The following SIN3A variants were observed in gnomAD, a reference collection of about 807,000 sequenced individuals.
SIN3A encodes the protein SIN3 transcription regulator family member A.
Under a neutral mutation model 146.1 loss-of-function variants are expected in SIN3A, and 14 were observed. The ratio of observed to expected loss-of-function variants is 0.10; its 90% confidence interval spans 0.06 to 0.15. SIN3A has a LOEUF of 0.15. Among genes scored for constraint, SIN3A ranks in the 10% least tolerant of loss-of-function variants. The pLI is 1.00. For synonymous variants in SIN3A, 572 were observed against 572.0 expected (o/e 1.00, Z 0.00); for missense variants, 1,028 against 1,576.0 (o/e 0.65, Z 5.89).
In SIN3A at chr15:75,371,479, GA is replaced by G. The variant is rs767339561; in HGVS notation, c.*499del. The G allele has an allele frequency of 5.3e-5, 8 of 150,808 alleles. No individual in the cohort carries two copies. Among genetic ancestry groups the G allele is most frequent in the South Asian group, 4.2e-4 (2 of 4,782 alleles). The allele number at this position is 150,808 out of a possible 1,614,324, so 9.3% of individuals were successfully genotyped here. A position where few individuals can be genotyped will look rare whatever the true frequency, so the allele number is the denominator to read the frequency against. On this transcript the variant is annotated 3_prime_UTR_variant, in exon 21 of 21. Coordinates refer to ENST00000394947, the MANE Select transcript of SIN3A (RefSeq NM_001145358.2). ...GATCTTAGATGTGCTCGAGTGACCA[GA>G]AAAAAAAAATCAAATCCAGCTTTTT...
intron 16 of SIN3A, 129 bp downstream of exon 16, chr15:75,389,523 T>G: frequency 1.2e-6 from 1 of 852,230 alleles, no homozygotes; most frequent in Non-Finnish European, 1.8e-6. Context: ...TAACCTCCCC[T>G]CCTCTCTTCA....
chr15:75,451,277 C>G (rs2074402817), intron 1 of SIN3A, 146 bp downstream of exon 1: 1 of 130,172 alleles, frequency 7.7e-6, no homozygotes, highest in Admixed American at 7.3e-5. Context: ...CGCCCCCCAC[C>G]CCCCTCACAC....
At chr15:75,420,493 TC>T (rs2073823561) in intron 3 of SIN3A, 1 of 152,192 alleles carries the variant, frequency 6.6e-6, no homozygotes. Context: ...CCAACGATTC[TC>T]CTGCCTCAGC....
chr15:75,379,997 T>A (rs1460827541), intron 19 of SIN3A, among the ~76,000 whole-genome samples: 1 of 152,230 alleles, frequency 6.6e-6, no homozygotes, highest in Non-Finnish European at 1.5e-5. Context: ...AGTGTCTCAC[T>A]GTACCTAAAC....
intron 1 of SIN3A, among the ~76,000 whole-genome samples, chr15:75,436,813 A>T (rs2074115897): frequency 6.6e-6 from 1 of 152,100 alleles, no homozygotes; most frequent in South Asian, 2.1e-4. Context: ...TCTTGAGTGG[A>T]AAAAATAAGT....
chr15:75,432,606 G>C (rs2074030894), intron 1 of SIN3A, among the ~76,000 whole-genome samples: 1 of 143,054 alleles, frequency 7.0e-6, no homozygotes, highest in Non-Finnish European at 1.5e-5. Context: ...AGAATCGCTA[G>C]AATCCAGGAG....
upstream of SIN3A, among the ~76,000 whole-genome samples, chr15:75,455,299 C>A (rs948935996): frequency 3.9e-5 from 6 of 152,228 alleles, no homozygotes; most frequent in Admixed American, 2.0e-4. Context: ...CCCCGCCGAC[C>A]ATGCTCGAGC....
intron 1 of SIN3A, among the ~76,000 whole-genome samples, chr15:75,443,242 C>T (rs1014996734): frequency 2.0e-5 from 3 of 152,264 alleles, no homozygotes; most frequent in Non-Finnish European, 4.4e-5. Context: ...CAGTTTTCTT[C>T]TCTTTGCCAT....
At position 75,411,638 on chromosome 15, in the gene SIN3A, T is replaced by G; in HGVS notation, c.862A>C (p.Ile288Leu). Residue 288 changes from isoleucine (I) to leucine (L), a missense_variant, in exon 6 of 21, where the codon ATC (isoleucine) becomes CTC (leucine). Physicochemically the swap from Ile to Leu is conservative, Grantham distance 5 (BLOSUM62 2). This residue lies in a region of SIN3A where 112 missense variants were observed against 135.7 expected (regional missense o/e 0.83). Transcript: ENST00000394947. ...PPVQPHTPVT[I>L]SLGTAPSLQN... ...AAGGATGGGGCCGTTCCCAACGAGA[T>G]TGTCACTGGTGTGTGAGGCTGGACC... 6.2e-7 allele frequency: 1 copy of G among 1,614,076 alleles called. No individual in the cohort carries two copies. Among genetic ancestry groups the G allele is most frequent in the Non-Finnish European group, 8.5e-7 (1 of 1,179,992 alleles).
At position 75,422,812 on chromosome 15, in the gene SIN3A, C is replaced by G. The variant is rs748324115; in HGVS notation, c.201G>C (p.Met67Ile). Residue 67 changes from methionine to isoleucine, a missense_variant, in exon 3 of 21, where the codon ATG becomes ATC. Met to Ile is a conservative substitution (Grantham distance 10). Transcript: ENST00000394947. ...SVTPSYQVSAMPQSSGSHGPA... is the reference protein window; with the variant it reads ...SVTPSYQVSAIPQSSGSHGPA... Reference sequence around the variant, plus strand: ...GCCCATGACTGCCGGAGCTCTGTGGCATGGCTGAAACCTGGGGTGAACAAA... The same window carrying G: ...GCCCATGACTGCCGGAGCTCTGTGGGATGGCTGAAACCTGGGGTGAACAAA... 6.2e-7 allele frequency: 1 copy of G among 1,612,910 alleles called. No homozygotes were observed. Among genetic ancestry groups the G allele is most frequent in the Non-Finnish European group, 8.5e-7 (1 of 1,178,946 alleles).
chr15:75,414,695 T>G (rs2073701949), intron 3 of SIN3A, among the ~76,000 whole-genome samples: 1 of 152,198 alleles, frequency 6.6e-6, no homozygotes, highest in African/African-American at 2.4e-5. Flanking sequence ...TTGTATGTAG[T>G]CAGGAATCAT....
chr15:75,390,612 T>TG (rs1188992443), intron 15 of SIN3A, among the ~76,000 whole-genome samples: 1 of 152,120 alleles, frequency 6.6e-6, no homozygotes, highest in Non-Finnish European at 1.5e-5. Context: ...ATCAACAAAG[T>TG]GGAAAAAGGA....
At chr15:75,441,896 G>A (rs1051714765) in intron 1 of SIN3A, among the ~76,000 whole-genome samples, 1 of 151,856 alleles carries the variant, frequency 6.6e-6, no homozygotes, top group Admixed American at 6.6e-5. Context: ...CGAGGCGGGT[G>A]GATCACGAGG....
chr15:75,455,722 C>G (rs530484049), upstream of SIN3A: 1 of 152,242 alleles, frequency 6.6e-6, no homozygotes, highest in Non-Finnish European at 1.5e-5. Flanking sequence ...ACCGAGCGGC[C>G]GGCGGACTAG....
rs770690652 is a variant in SIN3A at position 75,415,849 on chromosome 15, C to T, written c.367-1538G>A. On this transcript the variant is annotated intron_variant, in intron 3 of 20. Coordinates refer to ENST00000394947, the MANE Select transcript of SIN3A (RefSeq NM_001145358.2). ...CTGGGCAACAAGAGTGAAACTCGGT[C>T]TCAGGAAAAAAAAAAAAAAAAAAAA... is the stretch of plus-strand genomic sequence containing the variant. 5.1e-3 allele frequency: 757 copies of T among 147,820 alleles called. 2 individuals are homozygous for T. The highest frequency in any genetic ancestry group is 7.7e-3 in the Non-Finnish European group (613 of 79,928). The allele number at this position is 147,820 out of a possible 1,614,324, so 9.2% of individuals were successfully genotyped here.
intron 1 of SIN3A, among the ~76,000 whole-genome samples, chr15:75,446,802 C>T (rs542519142): frequency 1.3e-5 from 2 of 152,088 alleles, no homozygotes; most frequent in South Asian, 2.1e-4. Context: ...GAGACAGTCT[C>T]GCTCTGTCGC....
At chr15:75,452,994 A>C (rs980679408), upstream of SIN3A, 1 of 152,228 alleles carries the variant, frequency 6.6e-6, no homozygotes, top group Non-Finnish European at 1.5e-5. Flanking sequence ...TTATTTATTC[A>C]CCAAATAGGG....
chr15:75,394,994 T>G, intron 13 of SIN3A, 131 bp from the exon 14 acceptor site: 1 of 728,786 alleles, frequency 1.4e-6, no homozygotes, highest in Non-Finnish European at 2.2e-6. Flanking sequence ...TACTGGCAAC[T>G]TGGGATGCTA....
At chr15:75,436,571 T>C (rs945297227) in intron 1 of SIN3A, 11 of 152,208 alleles carry the variant, frequency 7.2e-5, no homozygotes, top group Admixed American at 3.3e-4. Flanking sequence ...ATCAGATTCA[T>C]TGATGGAGCG....
Sources: allele counts gnomAD v4.1 joint callset (sites outside exome capture counted in the v4.1 genomes callset), GRCh38; gene constraint gnomAD v4.1.1; regional missense constraint gnomAD v4.1.1; transcripts MANE v1.5; gene names NCBI Gene and HGNC (gene_info 2026-07-23, HGNC 2026-07-21).